DOCK8: variants seen among roughly 807,000 people sequenced by gnomAD.
The protein encoded by DOCK8 is dedicator of cytokinesis protein 8.
A neutral mutation model predicts 245.6 loss-of-function variants in DOCK8; 141 were observed. The ratio of observed to expected loss-of-function variants is 0.57; its 90% CI spans 0.50 to 0.66. The LOEUF (loss-of-function observed/expected upper bound fraction) is 0.66. Among genes scored for constraint, DOCK8 ranks in the 30% least tolerant of loss-of-function variants. The pLI is 0.00. For synonymous variants in DOCK8, 1,168 were observed against 970.2 expected (o/e 1.20, Z -3.79); for missense variants, 2,965 against 2,603.4 (o/e 1.14, Z -3.02).
rs147251536 is a variant in DOCK8 at position 426,820 on chromosome 9, T to C, written c.4242-65T>C. The C allele has an allele frequency of 4.7e-5, 60 of 1,288,590 alleles. No individual in the cohort carries two copies. In the African/African-American group the frequency reaches 7.7e-4, roughly 17 times the overall value. 79.8% of individuals were successfully genotyped at this position (1,288,590 alleles called of 1,614,324 possible). The stretch of plus-strand genomic sequence containing the variant: ...ATTTCTTTACACCTTGGTGTATAGA[T>C]TGCCATCATGGGAACCTGGCCAGGT... On this transcript the variant is annotated intron_variant, in intron 33 of 47. Coordinates refer to ENST00000432829, the MANE Select transcript of DOCK8 (RefSeq NM_203447.4).
chr9:245,715 G>C (rs886209102), intron 1 of DOCK8, among the ~76,000 whole-genome samples: 3 of 152,140 alleles, frequency 2.0e-5, no homozygotes, highest in Non-Finnish European at 4.4e-5. Flanking sequence ...ACATGTTGAA[G>C]CATTTATTTA....
intron 36 of DOCK8, among the ~76,000 whole-genome samples, chr9:431,160 C>T (rs2056697115): frequency 6.6e-6 from 1 of 152,126 alleles, no homozygotes. Flanking sequence ...AGGCATGAGC[C>T]ATCCTGCCTA....
At chr9:227,953 T>G (rs569189075) in intron 1 of DOCK8, among the ~76,000 whole-genome samples, 54 of 152,188 alleles carry the variant, frequency 3.5e-4, no homozygotes, top group African/African-American at 1.2e-3. Flanking sequence ...ACATGCCAAA[T>G]TATGAGGGCA....
intron 14 of DOCK8, among the ~76,000 whole-genome samples, chr9:354,334 G>A (rs943625): frequency 0.18 from 28,063 of 152,078 alleles, 2,797 homozygotes; most frequent in African/African-American, 0.22. Context: ...GTGGGGAGTC[G>A]TTATATTATG....
intron 24 of DOCK8, among the ~76,000 whole-genome samples, chr9:391,466 T>A (rs984845158): frequency 6.6e-6 from 1 of 152,164 alleles, no homozygotes; most frequent in Non-Finnish European, 1.5e-5. Context: ...ATGAAATTTG[T>A]ATATCTGTTT....
chr9:400,041 CA>C (rs2054711771), intron 26 of DOCK8, among the ~76,000 whole-genome samples: 1 of 135,934 alleles, frequency 7.4e-6, no homozygotes, highest in African/African-American at 3.0e-5. Flanking sequence ...TCACCACCAC[CA>C]CCTCCACCAT....
At chr9:310,470 T>C (rs984200859) in intron 5 of DOCK8, among the ~76,000 whole-genome samples, 1 of 152,248 alleles carries the variant, frequency 6.6e-6, no homozygotes, top group African/African-American at 2.4e-5. Flanking sequence ...TATTTACTTA[T>C]TTTTTGAGAC....
intron 45 of DOCK8, 105 bp downstream of exon 45, chr9:450,032 G>A (rs2057378985): frequency 7.9e-7 from 1 of 1,270,428 alleles, no homozygotes; most frequent in South Asian, 1.3e-5. Context: ...TTGATCCATA[G>A]ACAAACACAG....
intron 14 of DOCK8, among the ~76,000 whole-genome samples, chr9:358,064 C>A (rs1039233839): frequency 3.3e-5 from 5 of 152,088 alleles, no homozygotes; most frequent in Non-Finnish European, 7.4e-5. Flanking sequence ...TATGAACCTT[C>A]TCATTCTATT....
rs376054112 is a variant in DOCK8, at chr9:270,469, G to A, written c.54-1158G>A. Among the ~76,000 whole-genome samples the A allele has an allele frequency of 2.6e-5, 4 of 152,190 alleles. No homozygotes were observed. The East Asian group carries it at 5.8e-4, about 22-fold the overall frequency. ...CTTGAAAGGAAACTGGGGTGCTCCT[G>A]AGGGAGAATAGATGCCAAAGTTGGG... On this transcript the variant is annotated intron_variant, in intron 1 of 47. Transcript: ENST00000432829.
At chr9:346,693 C>G (rs1252007400) in intron 14 of DOCK8, among the ~76,000 whole-genome samples, 1 of 152,142 alleles carries the variant, frequency 6.6e-6, no homozygotes, top group Non-Finnish European at 1.5e-5. Context: ...TGTTCTCAGA[C>G]CAGAAGTCTG....
intron 38 of DOCK8, among the ~76,000 whole-genome samples, chr9:434,351 G>C (rs181253867): frequency 2.0e-5 from 3 of 152,032 alleles, no homozygotes; most frequent in South Asian, 2.1e-4. Context: ...CATTTTTTAC[G>C]CGTAGTTTAA....
At chr9:303,089 A>G (rs923799271) in intron 4 of DOCK8, among the ~76,000 whole-genome samples, 1 of 151,978 alleles carries the variant, frequency 6.6e-6, no homozygotes, top group East Asian at 1.9e-4. Context: ...GAGCCTAGGA[A>G]TTCAAGGCTG....
chr9:312,729 A>G, intron 6 of DOCK8: 1 of 331,916 alleles, frequency 3.0e-6, no homozygotes, highest in Non-Finnish European at 5.8e-6. Context: ...CAATAGGATA[A>G]TGTAGACTTT....
chr9:426,812 T>C, intron 33 of DOCK8, 73 bp from the exon 34 acceptor site: 2 of 1,155,102 alleles, frequency 1.7e-6, no homozygotes, highest in Non-Finnish European at 2.6e-6. Flanking sequence ...TACACCTTGG[T>C]GTATAGATTG....
Position 464,148 on chromosome 9 carries a change from C to T in DOCK8, c.6240-11C>T, listed in dbSNP as rs1461237559. ...TCTTTCCCTCTCCTCCCTCTCTTTT[C>T]TTAATTTCAGGGACTCCTTCCACAG... On this transcript the variant is annotated splice_polypyrimidine_tract_variant and intron_variant, in intron 47 of 47. Coordinates refer to ENST00000432829, the MANE Select transcript of DOCK8 (RefSeq NM_203447.4). 1.6e-5 allele frequency: 26 copies of T among 1,610,230 alleles called. No individual in the cohort carries two copies. The highest frequency in any genetic ancestry group is 2.2e-5 in the Non-Finnish European group (26 of 1,176,720).
intron 1 of DOCK8, among the ~76,000 whole-genome samples, chr9:238,448 A>G (rs940289352): frequency 6.6e-6 from 1 of 152,238 alleles, no homozygotes; most frequent in Non-Finnish European, 1.5e-5. Flanking sequence ...AAGAAAATAA[A>G]AAGTTAACAT....
At chr9:456,966 AAAGGGTTCTGCAGC>A (rs55838101) in intron 46 of DOCK8, 27,717 of 152,092 alleles carry the variant, frequency 0.18, 3,112 homozygotes, top group East Asian at 0.48. Context: ...ATACACCCTG[AAAGGGTTCTGCAGC>A]ATATATGTGG....
At chr9:436,466 A>T (rs1295854438) in intron 39 of DOCK8, among the ~76,000 whole-genome samples, 1 of 152,196 alleles carries the variant, frequency 6.6e-6, no homozygotes, top group Non-Finnish European at 1.5e-5. Flanking sequence ...GGAAATTGTA[A>T]GGTTTAGCAC....
Sources: allele counts gnomAD v4.1 joint callset (sites outside exome capture counted in the v4.1 genomes callset), GRCh38; gene constraint gnomAD v4.1.1; transcripts MANE v1.5; gene names NCBI Gene and HGNC (gene_info 2026-07-23, HGNC 2026-07-21).